Variants in ASXL1 observed in about 807,000 individuals in gnomAD.
ASXL1 encodes polycomb group protein ASXL1.
In ASXL1, 65 loss-of-function variants were observed where a neutral mutation model predicts 89.1. The observed-to-expected ratio is 0.73, with a 90% CI of 0.60 to 0.90. The LOEUF (loss-of-function observed/expected upper bound fraction) is 0.90. Ranked by LOEUF, ASXL1 falls within the 40% of genes least tolerant of loss-of-function variation. The probability of loss-of-function intolerance (pLI) is 0.00; values close to 1 mark genes in which losing one functional copy is unlikely to be tolerated. For missense variants in ASXL1, 1,786 were observed against 1,942.9 expected (o/e 0.92, Z 1.52); for synonymous variants, 739 against 746.9 (o/e 0.99, Z 0.17).
rs112878923 is a variant in ASXL1 at position 32,377,972 on chromosome 20, C to CTGTGTGTGTG, written c.252+8871_252+8880dup. Among the ~76,000 whole-genome samples, 407 of 115,388 alleles carry CTGTGTGTGTG rather than the reference C, an allele frequency of 3.5e-3. 7 individuals are homozygous for CTGTGTGTGTG. The highest frequency in any genetic ancestry group is 0.012 in the African/African-American group (353 of 29,304). 75.7% of individuals were successfully genotyped at this position (115,388 alleles called of 152,430 possible). On this transcript the variant is annotated intron_variant, in intron 4 of 12. Transcript: ENST00000375687. ...CTGGCCCCAAAATAAAGTTTTGACT[C>CTGTGTGTGTG]TGTGTGTGTGTGTGTGTGTGTGTGT...
At position 32,435,241 on chromosome 20, in the gene ASXL1, GA is replaced by G. The variant is rs1222611679; in HGVS notation, c.2530del (p.Thr844ProfsTer23). ...CCACTATGAAGGATCCTGTAAATGTGACCCCCAGTTCCACACCTGAATCCTC... is the reference window on the plus strand; with the variant it reads ...CCACTATGAAGGATCCTGTAAATGTGCCCCCAGTTCCACACCTGAATCCTC... ...HPTMKDPVNV[T>X]PSSTPESSPT... On this transcript the variant is annotated frameshift_variant, in exon 13 of 13. Transcript: ENST00000375687. LOFTEE classifies it low-confidence loss of function (END_TRUNC). 1 of 1,614,050 alleles carries G rather than the reference GA, an allele frequency of 6.2e-7. No individual in the cohort carries two copies. The highest frequency in any genetic ancestry group is 8.5e-7 in the Non-Finnish European group (1 of 1,180,024).
chr20:32,399,995 C>A (rs1018197286), intron 4 of ASXL1, among the ~76,000 whole-genome samples: 4 of 151,982 alleles, frequency 2.6e-5, no homozygotes, highest in African/African-American at 9.7e-5. Flanking sequence ...CTCCTGACCT[C>A]AAGTGATCTG....
At chr20:32,368,902 C>T (rs2048248595) in intron 3 of ASXL1, 113 bp from the exon 4 acceptor site, 2 of 775,516 alleles carry the variant, frequency 2.6e-6, no homozygotes, top group Admixed American at 2.9e-5. Flanking sequence ...GAGATTTTTT[C>T]TTCTGTATTT....
intron 1 of ASXL1, among the ~76,000 whole-genome samples, chr20:32,362,419 G>A (rs1013117962): frequency 6.6e-6 from 1 of 152,022 alleles, no homozygotes; most frequent in Non-Finnish European, 1.5e-5. Context: ...GGCGGATCAC[G>A]AGGTCAGGAG....
At chr20:32,398,603 G>GTTTTTTTTTTTTGTTTTT (rs375341392) in intron 4 of ASXL1, among the ~76,000 whole-genome samples, 56 of 126,416 alleles carry the variant, frequency 4.4e-4, no homozygotes, top group Non-Finnish European at 6.0e-4. Context: ...TTTTTTGTTT[G>GTTTTTTTTTTTTGTTTTT]TTTTTTTTTT....
intron 4 of ASXL1, among the ~76,000 whole-genome samples, chr20:32,385,214 TAATAATGAGGA>T (rs1295241410): frequency 6.6e-6 from 1 of 152,228 alleles, no homozygotes; most frequent in African/African-American, 2.4e-5. Context: ...CCAAGTCCTA[TAATAATGAGGA>T]AATTGCCTGT....
intron 4 of ASXL1, among the ~76,000 whole-genome samples, chr20:32,419,787 C>G (rs1383053068): frequency 5.3e-5 from 8 of 151,090 alleles, no homozygotes; most frequent in African/African-American, 1.9e-4. Flanking sequence ...TCAGGCAATT[C>G]TCCTGCCTCA....
intron 4 of ASXL1, among the ~76,000 whole-genome samples, chr20:32,373,103 G>A (rs543392030): frequency 7.4e-4 from 111 of 150,540 alleles, no homozygotes; most frequent in African/African-American, 2.6e-3. Context: ...TGGGCTGGGC[G>A]CAGTGGCTCA....
intron 4 of ASXL1, among the ~76,000 whole-genome samples, chr20:32,424,946 C>T (rs564305805): frequency 1.3e-5 from 2 of 152,174 alleles, no homozygotes; most frequent in Admixed American, 6.5e-5. Flanking sequence ...TCCCCTACCC[C>T]CCACTGCCCC....
intron 3 of ASXL1, among the ~76,000 whole-genome samples, chr20:32,368,421 G>C (rs6141690): frequency 2.6e-5 from 4 of 152,030 alleles, no homozygotes; most frequent in African/African-American, 9.7e-5. Flanking sequence ...TTTGCATTTA[G>C]GTTTAAATAA....
In ASXL1 at chr20:32,435,637, T is replaced by A. The variant is rs553745165; in HGVS notation, c.2925T>A (p.Cys975Ter). The A allele has an allele frequency of 6.2e-7, 1 of 1,614,110 alleles. No homozygotes were observed. Among genetic ancestry groups the A allele is most frequent in the Non-Finnish European group, 8.5e-7 (1 of 1,180,030 alleles). Residue 975 changes from cysteine to a stop codon, truncating the protein, a stop_gained, in exon 13 of 13, where the codon TGT becomes TGA. Transcript: ENST00000375687. LOFTEE classifies it low-confidence loss of function (END_TRUNC). ...GCAGTGACAGCAATGGCAGTTACTG[T>A]CAACAGGTGGACATTGAAAAGCTGA... The part of the protein sequence containing the change: ...RGGSDSNGSY[C>*]QQVDIEKLKI...
chr20:32,367,294 C>T (rs1485596948), intron 2 of ASXL1, among the ~76,000 whole-genome samples: 3 of 152,152 alleles, frequency 2.0e-5, no homozygotes, highest in Non-Finnish European at 2.9e-5. Context: ...GCTGGAGAAT[C>T]GCTTGAACTC....
chr20:32,428,633 C>A, intron 6 of ASXL1: 1 of 285,208 alleles, frequency 3.5e-6, no homozygotes, highest in African/African-American at 2.6e-5. Flanking sequence ...TTTACCTTGG[C>A]TGAGTGATTT....
intron 4 of ASXL1, chr20:32,371,897 C>G (rs554681686): frequency 2.6e-6 from 1 of 380,742 alleles, no homozygotes; most frequent in Non-Finnish European, 5.2e-6. Flanking sequence ...ATACCTGGCC[C>G]TCTATTATCT....
At chr20:32,360,972 C>T (rs1264408889) in intron 1 of ASXL1, among the ~76,000 whole-genome samples, 1 of 152,156 alleles carries the variant, frequency 6.6e-6, no homozygotes, top group Non-Finnish European at 1.5e-5. Flanking sequence ...GTCTCGAACT[C>T]GTGACCTTAG....
chr20:32,428,056 A>T, intron 4 of ASXL1, 72 bp from the exon 5 acceptor site: 1 of 1,601,220 alleles, frequency 6.2e-7, no homozygotes, highest in Non-Finnish European at 8.5e-7. Context: ...AAGCATACAC[A>T]TTTAGGAATG....
intron 4 of ASXL1, among the ~76,000 whole-genome samples, chr20:32,416,168 G>A (rs2049135143): frequency 6.6e-6 from 1 of 151,706 alleles, no homozygotes; most frequent in South Asian, 2.1e-4. Context: ...CTTTGTGTTG[G>A]GAACATTAAA....
intron 4 of ASXL1, among the ~76,000 whole-genome samples, chr20:32,423,851 G>T (rs574220569): frequency 6.6e-6 from 1 of 152,306 alleles, no homozygotes; most frequent in East Asian, 1.9e-4. Flanking sequence ...ACCTGGCCAA[G>T]CCCAGGACTT....
chr20:32,413,507 C>T (rs555632766), intron 4 of ASXL1, among the ~76,000 whole-genome samples: 9 of 145,552 alleles, frequency 6.2e-5, no homozygotes, highest in Non-Finnish European at 1.2e-4. Flanking sequence ...AACAGCTGTA[C>T]AATTCTTGAT....
Sources: allele counts gnomAD v4.1 joint callset (sites outside exome capture counted in the v4.1 genomes callset), GRCh38; gene constraint gnomAD v4.1.1; transcripts MANE v1.5; gene names NCBI Gene and HGNC (gene_info 2026-07-23, HGNC 2026-07-21).